Variants in BMERB1 observed in about 807,000 individuals in gnomAD.
BMERB1 encodes the protein bMERB domain containing 1, also known as bMERB domain-containing protein 1.
A neutral mutation model predicts 23.6 loss-of-function variants in BMERB1; 12 were observed. That is an observed-to-expected ratio of 0.51 (90% CI 0.33 to 0.82). The LOEUF is 0.82. BMERB1 is among the 40% of genes least tolerant of loss of function. The pLI is 0.03. For synonymous variants in BMERB1, 122 were observed against 96.6 expected, an observed-to-expected ratio of 1.26 and a Z score of -1.54; for missense variants, 247 against 255.4, an observed-to-expected ratio of 0.97 and a Z score of 0.22.
intron 1 of BMERB1, among the ~76,000 whole-genome samples, chr16:15,478,590 CAGG>C (rs2051292137): frequency 6.6e-6 from 1 of 152,170 alleles, no homozygotes; most frequent in South Asian, 2.1e-4. Flanking sequence ...GAGACTCTGT[CAGG>C]AGGACGATGA....
intron 1 of BMERB1, among the ~76,000 whole-genome samples, chr16:15,438,278 G>T (rs2050906177): frequency 6.6e-6 from 1 of 151,560 alleles, no homozygotes; most frequent in African/African-American, 2.4e-5. Flanking sequence ...GTAGAGAGGG[G>T]TTTTCACTAT....
At chr16:15,488,290 G>GC (rs1026112012) in intron 1 of BMERB1, among the ~76,000 whole-genome samples, 6 of 152,026 alleles carry the variant, frequency 3.9e-5, no homozygotes, top group African/African-American at 7.2e-5. Flanking sequence ...CTGACCCCTT[G>GC]CCCCCCGTCC....
intron 1 of BMERB1, among the ~76,000 whole-genome samples, chr16:15,452,476 CTT>C (rs2051051199): frequency 6.6e-6 from 1 of 152,080 alleles, no homozygotes; most frequent in East Asian, 1.9e-4. Context: ...CAGTCCCACT[CTT>C]TTGCATCTCT....
At chr16:15,566,121 C>T (rs951880102) in intron 2 of BMERB1, among the ~76,000 whole-genome samples, 7 of 152,054 alleles carry the variant, frequency 4.6e-5, no homozygotes, top group South Asian at 2.1e-4. Flanking sequence ...AGCACAATCC[C>T]GATGAATCTC....
chr16:15,439,425 G>C (rs1385677528), intron 1 of BMERB1, among the ~76,000 whole-genome samples: 4 of 152,184 alleles, frequency 2.6e-5, no homozygotes, highest in African/African-American at 7.2e-5. Flanking sequence ...AAGGTTGAAT[G>C]GTTGTCATAG....
At chr16:15,564,294 A>G (rs949048155) in intron 2 of BMERB1, among the ~76,000 whole-genome samples, 1 of 152,176 alleles carries the variant, frequency 6.6e-6, no homozygotes, top group Non-Finnish European at 1.5e-5. Context: ...GATTTTTTAC[A>G]TGTTTTTTTG....
chr16:15,484,292 T>A (rs977597943), intron 1 of BMERB1, among the ~76,000 whole-genome samples: 1 of 152,178 alleles, frequency 6.6e-6, no homozygotes, highest in Non-Finnish European at 1.5e-5. Context: ...TTATTAGGCC[T>A]AGAAAGCATC....
At chr16:15,435,330 C>T (rs895226864) in intron 1 of BMERB1, among the ~76,000 whole-genome samples, 1 of 152,222 alleles carries the variant, frequency 6.6e-6, no homozygotes, top group Admixed American at 6.5e-5. Flanking sequence ...TCTCTTTTCT[C>T]TCTTGACTCA....
intron 2 of BMERB1, among the ~76,000 whole-genome samples, chr16:15,567,590 A>G (rs764234833): frequency 1.7e-4 from 26 of 152,122 alleles, no homozygotes; most frequent in Non-Finnish European, 2.9e-4. Flanking sequence ...TCTACTAAAA[A>G]TACTACTAAA....
In BMERB1 at chr16:15,475,702, G is replaced by C. The variant is rs75509682; in HGVS notation, c.107-39603G>C. On this transcript the variant is annotated intron_variant, in intron 1 of 5. Coordinates refer to ENST00000300006, the MANE Select transcript of BMERB1 (RefSeq NM_033201.3). ...AATCAGAGTGCCACCTCCTTCCACT[G>C]GGTGGGGGATGGAGAATCAGCTCTC... Among the ~76,000 whole-genome samples the C allele has an allele frequency of 7.6e-3, 1,163 of 152,248 alleles. 21 individuals are homozygous for C. The highest frequency in any genetic ancestry group is 0.027 in the African/African-American group (1,106 of 41,550).
At chr16:15,434,817 G>A (rs1314647084) in intron 1 of BMERB1, 58 bp downstream of exon 1, 19 of 1,399,408 alleles carry the variant, frequency 1.4e-5, no homozygotes, top group Non-Finnish European at 1.7e-5. Context: ...ATGCGCCTGC[G>A]CGGGTGGTCG....
chr16:15,570,721 C>T (rs137935594), intron 3 of BMERB1, among the ~76,000 whole-genome samples: 206 of 152,148 alleles, frequency 1.4e-3, no homozygotes, highest in Non-Finnish European at 1.7e-3. Flanking sequence ...TTGGGCTCCT[C>T]GATTGATTGT....
In BMERB1 at chr16:15,516,242, A is replaced by G. The variant is rs149888068; in HGVS notation, c.230+814A>G. On this transcript the variant is annotated intron_variant, in intron 2 of 5. Transcript: ENST00000300006. ...AGTTCAAGACCAGACAGGGCAATGT[A>G]GCCAGACCCTGTCTCTACAAAAAAT... 3.1e-3 allele frequency among the ~76,000 whole-genome samples: 479 copies of G among 152,072 alleles called. 2 individuals carry two copies. Among genetic ancestry groups the G allele is most frequent in the Non-Finnish European group, 5.9e-3 (398 of 67,998 alleles).
chr16:15,575,855 A>G (rs57089173), intron 3 of BMERB1, among the ~76,000 whole-genome samples: 13,483 of 151,772 alleles, frequency 0.089, 1,837 homozygotes, highest in African/African-American at 0.29. Flanking sequence ...TATACTTTCA[A>G]TTTCTCATGT....
intron 1 of BMERB1, among the ~76,000 whole-genome samples, chr16:15,459,840 T>C (rs2051120279): frequency 6.6e-6 from 1 of 152,164 alleles, no homozygotes; most frequent in African/African-American, 2.4e-5. Context: ...AGAGGCACTG[T>C]CATTTTTAGG....
chr16:15,530,739 C>A (rs1218339645), intron 2 of BMERB1, among the ~76,000 whole-genome samples: 1 of 152,084 alleles, frequency 6.6e-6, no homozygotes, highest in Non-Finnish European at 1.5e-5. Context: ...ATAGTGAGTT[C>A]TCATGAGATC....
At chr16:15,436,381 C>T (rs754855756) in intron 1 of BMERB1, among the ~76,000 whole-genome samples, 23 of 151,878 alleles carry the variant, frequency 1.5e-4, no homozygotes, top group Middle Eastern at 6.8e-3. Context: ...GCCTCAGCCT[C>T]CAGAGTAGCT....
intron 3 of BMERB1, among the ~76,000 whole-genome samples, chr16:15,575,505 C>T (rs1407116743): frequency 6.6e-6 from 1 of 152,004 alleles, no homozygotes; most frequent in Admixed American, 6.6e-5. Context: ...TCCCACAGAC[C>T]CCAAAAGGGA....
At chr16:15,485,482 G>A (rs772190012) in intron 1 of BMERB1, among the ~76,000 whole-genome samples, 6 of 147,462 alleles carry the variant, frequency 4.1e-5, no homozygotes, top group Non-Finnish European at 7.5e-5. Context: ...TTTCCATCTC[G>A]CTTGTGTAAT....
Sources: gnomAD v4.1 joint callset for allele counts (sites outside exome capture counted in the v4.1 genomes callset) on GRCh38, gnomAD v4.1.1 for gene constraint, MANE v1.5 for transcripts, NCBI Gene and HGNC (gene_info 2026-07-23, HGNC 2026-07-21) for gene names.